The following TCF3 variants were observed in gnomAD, a reference collection of about 807,000 sequenced individuals.
TCF3 encodes transcription factor 3.
TCF3 carries 54 observed loss-of-function variants against 72.3 expected under a neutral mutation model. The observed-to-expected ratio is 0.75, with a 90% CI of 0.60 to 0.94. TCF3 has a LOEUF of 0.94. TCF3 is among the 40% of genes least tolerant of loss of function. TCF3 has a pLI of 0.00. For synonymous variants in TCF3, 525 were observed against 412.6 expected (o/e 1.27, Z -3.30); for missense variants, 1,078 against 934.4 (o/e 1.15, Z -2.00).
chr19:1,633,223 C>T (rs934826641), intron 3 of TCF3, among the ~76,000 whole-genome samples: 1 of 152,224 alleles, frequency 6.6e-6, no homozygotes, highest in Non-Finnish European at 1.5e-5. Context: ...AGAGCACACC[C>T]GTGGAGAAGC....
At chr19:1,627,538 G>A (rs2063041855) in intron 5 of TCF3, 112 bp from the exon 6 acceptor site, 3 of 941,852 alleles carry the variant, frequency 3.2e-6, no homozygotes, top group Non-Finnish European at 5.0e-6. Context: ...ACACGACTGA[G>A]AGCGCCACGG....
At chr19:1,650,707 C>A in intron 1 of TCF3, 1 of 234,894 alleles carries the variant, frequency 4.3e-6, no homozygotes, top group Non-Finnish European at 8.4e-6. Context: ...AGGAACAGCC[C>A]GATCCTACCC....
At chr19:1,613,008 G>A (rs1439529860) in intron 18 of TCF3, among the ~76,000 whole-genome samples, 3 of 150,502 alleles carry the variant, frequency 2.0e-5, no homozygotes, top group Non-Finnish European at 3.0e-5. Flanking sequence ...CAGCAGTGCA[G>A]TTACACAGCT....
intron 3 of TCF3, among the ~76,000 whole-genome samples, chr19:1,643,303 C>T (rs1268961218): frequency 6.6e-6 from 1 of 152,184 alleles, no homozygotes; most frequent in Non-Finnish European, 1.5e-5. Context: ...TCACTGCAAC[C>T]TCCGCCTCCC....
At chr19:1,623,724 G>C (rs1362930062) in intron 8 of TCF3, among the ~76,000 whole-genome samples, 1 of 152,158 alleles carries the variant, frequency 6.6e-6, no homozygotes, top group Non-Finnish European at 1.5e-5. Flanking sequence ...CACCAGGACT[G>C]CCTTTCTCTC....
At position 1,621,925 on chromosome 19, in the gene TCF3, CAG is replaced by C; in HGVS notation, c.866_867del (p.Ser289CysfsTer59). ...CCGGGGGCTGAGGAGAAGGAGGATGCAGATGGGAGCCCACCGTTCACCTCTGC... is the reference window on the plus strand; with the variant it reads ...CCGGGGGCTGAGGAGAAGGAGGATGCATGGGAGCCCACCGTTCACCTCTGC... Reference protein sequence around the residue: ...HGAEVNGGLPSASSFSSAPGA... With the variant: ...HGAEVNGGLPXASSFSSAPGA... On this transcript the variant is annotated frameshift_variant, in exon 11 of 19. Coordinates refer to ENST00000262965, the MANE Select transcript of TCF3 (RefSeq NM_003200.5). LOFTEE classifies it high-confidence loss of function. The C allele has an allele frequency of 6.2e-7, 1 of 1,604,488 alleles. No homozygotes were observed.
In TCF3 at chr19:1,619,186, T is replaced by A; in HGVS notation, c.1375A>T (p.Met459Leu). ...EDGLAGSTSL[M>L]HNHAALPSQP... The stretch of plus-strand genomic sequence containing the variant: ...CTGGGGAGGGCCGCGTGGTTGTGCA[T>A]GAGGCTGGTGCTGCCTGCGAGGCCG... The change falls in exon 16 of 19, where the codon ATG becomes TTG. Residue 459 changes from methionine to leucine, a missense_variant. Coordinates refer to ENST00000262965, the MANE Select transcript of TCF3 (RefSeq NM_003200.5). The A allele has an allele frequency of 6.2e-7, 1 of 1,600,346 alleles. No individual in the cohort carries two copies. Among genetic ancestry groups the A allele is most frequent in the Non-Finnish European group, 8.5e-7 (1 of 1,179,694 alleles).
intron 6 of TCF3, 64 bp downstream of exon 6, chr19:1,627,293 CAG>C: frequency 1.5e-6 from 2 of 1,294,666 alleles, no homozygotes; most frequent in Non-Finnish European, 2.1e-6. Flanking sequence ...TTCTGCAGAT[CAG>C]AGAGGGTGGG....
chr19:1,625,920 C>T (rs935501255), intron 6 of TCF3, among the ~76,000 whole-genome samples: 3 of 152,182 alleles, frequency 2.0e-5, no homozygotes, highest in Admixed American at 1.3e-4. Context: ...TCACGAAGAA[C>T]GAAAGACTGA....
chr19:1,622,268 A>G, intron 9 of TCF3, 45 bp from the exon 10 acceptor site: 1 of 1,508,204 alleles, frequency 6.6e-7, no homozygotes, highest in Non-Finnish European at 8.9e-7. Context: ...GGGGAACCCC[A>G]GCCCTGCCCT....
intron 3 of TCF3, among the ~76,000 whole-genome samples, chr19:1,640,675 G>T (rs964338349): frequency 6.6e-6 from 1 of 151,876 alleles, no homozygotes; most frequent in Admixed American, 6.6e-5. Context: ...AAACTTAGCC[G>T]GCACCTGTAG....
In TCF3 at chr19:1,611,058, T is replaced by C. The variant is rs541427065; in HGVS notation, c.*649A>G. On this transcript the variant is annotated 3_prime_UTR_variant, in exon 19 of 19. Coordinates refer to ENST00000262965, the MANE Select transcript of TCF3 (RefSeq NM_003200.5). ...AGAAATAGCGAGAGACACGGGACTT[T>C]TATACAAAAAAATTTGTTGCTTACA... The C allele has an allele frequency of 8.7e-6, 2 of 230,270 alleles. No homozygotes were observed. Among genetic ancestry groups the C allele is most frequent in the Admixed American group, 1.1e-4 (2 of 17,664 alleles). 14.3% of individuals were successfully genotyped at this position (230,270 alleles called of 1,614,324 possible).
intron 3 of TCF3, among the ~76,000 whole-genome samples, chr19:1,642,177 CACACGCACGCAGACACAGACGCAG>C (rs2065369738): frequency 6.7e-6 from 1 of 149,644 alleles, no homozygotes; most frequent in Non-Finnish European, 1.5e-5. Context: ...CACGCGTACA[CACACGCACGCAGACACAGACGCAG>C]ACACGCACAC....
chr19:1,615,950 A>G lies in TCF3; in HGVS notation c.1451-129T>C. ...AGGTCTTGGCCAAAAATAAAAACAA[A>G]AAACCAACAACCAGAACTGGATCCC... is the stretch of plus-strand genomic sequence containing the variant. On this transcript the variant is annotated intron_variant, in intron 16 of 18. Transcript: ENST00000262965. This position sits in a 1 kb window ranked among gnomAD's most constrained non-coding sequence, Gnocchi z 7.3. 8.5e-7 allele frequency: 1 copy of G among 1,181,208 alleles called. No individual in the cohort carries two copies. The highest frequency in any genetic ancestry group is 1.1e-6 in the Non-Finnish European group (1 of 875,376). 73.2% of individuals were successfully genotyped at this position (1,181,208 alleles called of 1,614,324 possible).
intron 3 of TCF3, among the ~76,000 whole-genome samples, chr19:1,644,653 G>A (rs1253719213): frequency 6.6e-6 from 1 of 152,162 alleles, no homozygotes; most frequent in Non-Finnish European, 1.5e-5. Context: ...GACCGGGCTG[G>A]GCGTCCAGGG....
Position 1,610,940 on chromosome 19 carries a change from CGGG to C in TCF3, c.*764_*766del, listed in dbSNP as rs1395665155. On this transcript the variant is annotated 3_prime_UTR_variant, in exon 19 of 19. Transcript: ENST00000262965. ...AGTGGCTTCCGGGGGGGGGGGGGGACGGGGGGGCTCAGGTTTACACGGGGTCTT... is the reference window on the plus strand; with the variant it reads ...AGTGGCTTCCGGGGGGGGGGGGGGACGGGGCTCAGGTTTACACGGGGTCTT... 1.1e-4 allele frequency: 5 copies of C among 46,542 alleles called. No individual in the cohort carries two copies. The East Asian group carries it at 1.2e-3, about 11-fold the overall frequency. The allele number at this position is 46,542 out of a possible 1,614,324, so 2.9% of individuals were successfully genotyped here.
chr19:1,637,638 G>A (rs1049992427), intron 3 of TCF3, among the ~76,000 whole-genome samples: 9 of 152,132 alleles, frequency 5.9e-5, no homozygotes, highest in East Asian at 1.9e-4. Context: ...GGCCGGGCAC[G>A]GTGGCTCACG....
intron 5 of TCF3, among the ~76,000 whole-genome samples, chr19:1,630,294 G>C (rs533142244): frequency 2.6e-5 from 4 of 152,180 alleles, no homozygotes; most frequent in African/African-American, 7.2e-5. Context: ...TAAGGGGAAC[G>C]GGCAGAAATC....
At chr19:1,617,368 A>AC (rs1755319633) in intron 16 of TCF3, among the ~76,000 whole-genome samples, 1 of 152,216 alleles carries the variant, frequency 6.6e-6, no homozygotes, top group Non-Finnish European at 1.5e-5. Flanking sequence ...AAGCCAGCAA[A>AC]CCAGCGTGTA....
Sources: gnomAD v4.1 joint callset for allele counts (sites outside exome capture counted in the v4.1 genomes callset) on GRCh38, gnomAD v4.1.1 for gene constraint, Gnocchi (gnomAD v3.1) non-coding constraint, MANE v1.5 for transcripts, NCBI Gene and HGNC (gene_info 2026-07-23, HGNC 2026-07-21) for gene names.